Variants in PCDH15 observed in about 807,000 individuals in gnomAD.
The protein encoded by PCDH15 is protocadherin related 15, also known as protocadherin-15.
A neutral mutation model predicts 178.5 loss-of-function variants in PCDH15; 129 were observed. The ratio of observed to expected loss-of-function variants is 0.72; its 90% CI spans 0.63 to 0.84. The LOEUF (loss-of-function observed/expected upper bound fraction) is 0.84, where lower values mean the gene tolerates loss of function less well. Among genes scored for constraint, PCDH15 ranks in the 40% least tolerant of loss-of-function variants. The probability of loss-of-function intolerance (pLI) is 0.00; values close to 1 mark genes in which losing one functional copy is unlikely to be tolerated. For missense variants in PCDH15, 2,230 were observed against 2,099.9 expected (o/e 1.06, Z -1.21); for synonymous variants, 800 against 732.0 (o/e 1.09, Z -1.50).
rs1003746663 is a variant in PCDH15, at chr10:55,328,374, A to G, written c.-155-161723T>C. ...ATGTGGTGCAGCCTACTACACATGT[A>G]TATGGTCTAGTCTATTGCTCCTAGG... On this transcript the variant is annotated intron_variant, in intron 2 of 5. Transcript: ENST00000613346. Among the ~76,000 whole-genome samples the G allele has an allele frequency of 2.0e-5, 3 of 152,020 alleles. No individual in the cohort carries two copies. The South Asian group carries it at 6.2e-4, about 32-fold the overall frequency.
intron 21 of PCDH15, among the ~76,000 whole-genome samples, chr10:53,990,608 A>G (rs1213331776): frequency 1.3e-5 from 2 of 150,980 alleles, no homozygotes; most frequent in Non-Finnish European, 2.9e-5. Context: ...ACATATATAT[A>G]AAAGAAAGTT....
chr10:55,178,344 C>T (rs1027235008), intron 1 of PCDH15, among the ~76,000 whole-genome samples: 2 of 152,110 alleles, frequency 1.3e-5, no homozygotes, highest in Non-Finnish European at 2.9e-5. Flanking sequence ...AATAAAACTT[C>T]AATATTCTTC....
intron 1 of PCDH15, among the ~76,000 whole-genome samples, chr10:54,785,433 A>T (rs1211947856): frequency 6.6e-6 from 1 of 152,026 alleles, no homozygotes; most frequent in African/African-American, 2.4e-5. Context: ...CCTAATAAGC[A>T]TTATGTATAC....
At chr10:54,124,676 G>C (rs2041840536) in intron 15 of PCDH15, among the ~76,000 whole-genome samples, 1 of 152,142 alleles carries the variant, frequency 6.6e-6, no homozygotes. Context: ...TTACGATGCA[G>C]TGCCTATGAT....
intron 2 of PCDH15, among the ~76,000 whole-genome samples, chr10:55,164,524 G>A (rs191908494): frequency 2.6e-4 from 40 of 151,622 alleles, no homozygotes; most frequent in African/African-American, 8.2e-4. Context: ...GAGTAAAAAA[G>A]TAACATCTTA....
At position 55,429,964 on chromosome 10, in the gene PCDH15, G is replaced by A. The variant is rs188381462; in HGVS notation, c.-156+197661C>T. The stretch of plus-strand genomic sequence containing the variant: ...TTTCTATGATGAATAATTTGTAATC[G>A]TTTATTTTTTATTTAACTATAACAT... On this transcript the variant is annotated intron_variant, in intron 2 of 5. Coordinates refer to the PCDH15 transcript ENST00000613346. 4.7e-4 allele frequency among the ~76,000 whole-genome samples: 71 copies of A among 152,038 alleles called. 1 individual carries two copies. The highest frequency in any genetic ancestry group is 1.4e-3 in the Admixed American group (21 of 15,272).
intron 1 of PCDH15, among the ~76,000 whole-genome samples, chr10:54,683,717 A>G (rs1025399843): frequency 1.3e-5 from 2 of 152,248 alleles, no homozygotes; most frequent in Non-Finnish European, 2.9e-5. Context: ...ACCCATGTCC[A>G]TTAACATTTC....
intron 2 of PCDH15, among the ~76,000 whole-genome samples, chr10:55,417,650 T>C (rs1236505745): frequency 6.6e-6 from 1 of 151,344 alleles, no homozygotes; most frequent in Non-Finnish European, 1.5e-5. Context: ...CAGAGAAATA[T>C]CAAAATATAG....
intron 1 of PCDH15, among the ~76,000 whole-genome samples, chr10:54,666,719 T>A (rs192922249): frequency 6.6e-6 from 1 of 151,948 alleles, no homozygotes; most frequent in South Asian, 2.1e-4. Flanking sequence ...CCAGAAAAGA[T>A]ATGTATTAGA....
At chr10:54,793,132 C>T (rs766768671) in intron 1 of PCDH15, among the ~76,000 whole-genome samples, 6 of 151,900 alleles carry the variant, frequency 3.9e-5, no homozygotes, top group Non-Finnish European at 7.4e-5. Flanking sequence ...GGGAACTGAA[C>T]CTTCATCCCC....
At chr10:55,161,830 T>G (rs1369783415) in intron 2 of PCDH15, among the ~76,000 whole-genome samples, 1 of 152,104 alleles carries the variant, frequency 6.6e-6, no homozygotes, top group African/African-American at 2.4e-5. Flanking sequence ...AAAAAACAAT[T>G]GTTAAAATGA....
At position 54,987,563 on chromosome 10, in the gene PCDH15, T is replaced by G. The variant is rs117958804; in HGVS notation, c.-79-90063A>C. On this transcript the variant is annotated intron_variant, in intron 2 of 5. Coordinates refer to the PCDH15 transcript ENST00000458638. ...CCTTTTTAGTGATTGCTATTCTGAC[T>G]GGAGTGTGATGGTATCTCATTGTGG... Among the ~76,000 whole-genome samples, 115 of 152,312 alleles carry G rather than the reference T, an allele frequency of 7.6e-4. 3 individuals carry two copies. The East Asian group carries it at 0.017, about 23-fold the overall frequency.
intron 3 of PCDH15, among the ~76,000 whole-genome samples, chr10:54,497,243 G>GAA (rs76984542): frequency 0.012 from 1,690 of 137,708 alleles, 31 homozygotes; most frequent in African/African-American, 0.042. Context: ...TGTACCACAG[G>GAA]AAAAAAAAAA....
rs557577712 is a variant in PCDH15 at position 53,847,783 on chromosome 10, C to A, written c.3807-7287G>T. On this transcript the variant is annotated intron_variant, in intron 28 of 37. Transcript: ENST00000644397. ...TGTAATTACTTACTCTTACTCTGATCCTTTCTTTAACTTCTTTCTCATCTG... is the reference window on the plus strand; with the variant it reads ...TGTAATTACTTACTCTTACTCTGATACTTTCTTTAACTTCTTTCTCATCTG... Among the ~76,000 whole-genome samples, 5 of 152,118 alleles carry A rather than the reference C, an allele frequency of 3.3e-5. No individual in the cohort carries two copies. In the South Asian group the frequency reaches 1.0e-3, roughly 32 times the overall value.
intron 3 of PCDH15, among the ~76,000 whole-genome samples, chr10:54,484,487 G>A (rs1033389468): frequency 2.0e-5 from 3 of 151,860 alleles, no homozygotes; most frequent in Admixed American, 6.6e-5. Context: ...CACATTAATT[G>A]TAAGAATCTT....
chr10:53,851,632 G>A (rs995067756), intron 28 of PCDH15, among the ~76,000 whole-genome samples: 9 of 134,012 alleles, frequency 6.7e-5, no homozygotes, highest in Non-Finnish European at 9.5e-5. Context: ...GCGTTTCATA[G>A]GTATGCTTCC....
At chr10:54,443,170 C>T (rs1011481842) in intron 3 of PCDH15, among the ~76,000 whole-genome samples, 17 of 151,700 alleles carry the variant, frequency 1.1e-4, no homozygotes, top group African/African-American at 3.4e-4. Flanking sequence ...ATGAAAATAG[C>T]AGCAATTTTT....
intron 1 of PCDH15, among the ~76,000 whole-genome samples, chr10:54,779,452 T>TATATGTGTGTATATATATATACACA (rs1566221590): frequency 9.0e-6 from 1 of 110,862 alleles, no homozygotes; most frequent in African/African-American, 3.6e-5. Flanking sequence ...ATATATACAC[T>TATATGTGTGTATATATATATACACA]CATATATGTG....
intron 2 of PCDH15, among the ~76,000 whole-genome samples, chr10:55,020,769 C>A (rs1346880971): frequency 6.6e-6 from 1 of 152,072 alleles, no homozygotes; most frequent in Non-Finnish European, 1.5e-5. Context: ...GCTCCAAGAT[C>A]TTAACTGTAA....
Sources: gnomAD v4.1 joint callset for allele counts (sites outside exome capture counted in the v4.1 genomes callset) on GRCh38, gnomAD v4.1.1 for gene constraint, MANE v1.5 for transcripts, NCBI Gene and HGNC (gene_info 2026-07-23, HGNC 2026-07-21) for gene names.